The following TENM4 variants were observed in gnomAD, a reference collection of about 807,000 sequenced individuals.
TENM4 encodes teneurin-4.
A neutral mutation model predicts 243.3 loss-of-function variants in TENM4; 82 were observed. That is an observed-to-expected ratio of 0.34 (90% CI 0.28 to 0.40). TENM4 has a LOEUF of 0.40. Ranked by LOEUF, TENM4 falls within the 10% of genes least tolerant of loss-of-function variation. The probability of loss-of-function intolerance (pLI) is 1.00; values close to 1 mark genes in which losing one functional copy is unlikely to be tolerated. For synonymous variants in TENM4, 1,412 were observed against 1,456.3 expected (o/e 0.97, Z 0.69); for missense variants, 3,138 against 3,673.3 (o/e 0.85, Z 3.77).
At chr11:79,342,264 G>GTGAT (rs748552988) in intron 1 of TENM4, among the ~76,000 whole-genome samples, 7 of 152,226 alleles carry the variant, frequency 4.6e-5, no homozygotes, top group Non-Finnish European at 1.0e-4. Flanking sequence ...AAGCCAGCCT[G>GTGAT]TGATTGTCAA....
intron 3 of TENM4, among the ~76,000 whole-genome samples, chr11:79,173,236 G>A (rs923351963): frequency 6.6e-5 from 10 of 152,214 alleles, no homozygotes; most frequent in Non-Finnish European, 1.5e-4. Flanking sequence ...ACCGTTGGAA[G>A]GAAAACTTCA....
chr11:78,990,829 G>A (rs907480745), intron 6 of TENM4, among the ~76,000 whole-genome samples: 3 of 152,048 alleles, frequency 2.0e-5, no homozygotes, highest in Non-Finnish European at 4.4e-5. Flanking sequence ...TGTTCATGCC[G>A]GGGATTTTCA....
In TENM4 at chr11:78,769,140, T is replaced by C. The variant is rs564321459; in HGVS notation, c.2539+1852A>G. On this transcript the variant is annotated intron_variant, in intron 18 of 33. Coordinates refer to ENST00000278550, the MANE Select transcript of TENM4 (RefSeq NM_001098816.3). ...TGGCTCTTCTCTTCTTTTCTTCTAT[T>C]ACATGAGTGTTATTATTAGTCATTG... Among the ~76,000 whole-genome samples, 3 of 152,346 alleles carry C rather than the reference T, an allele frequency of 2.0e-5. No individual in the cohort carries two copies. The East Asian group carries it at 5.8e-4, about 29-fold the overall frequency.
chr11:79,183,162 T>C (rs1191166977), intron 3 of TENM4, among the ~76,000 whole-genome samples: 1 of 152,196 alleles, frequency 6.6e-6, no homozygotes, highest in East Asian at 1.9e-4. Context: ...AACCAAGATG[T>C]CTTTAAGTAG....
intron 2 of TENM4, among the ~76,000 whole-genome samples, chr11:79,233,877 G>C (rs1205888889): frequency 6.6e-6 from 1 of 152,216 alleles, no homozygotes; most frequent in Non-Finnish European, 1.5e-5. Flanking sequence ...CGAAAAGGAA[G>C]AGGCCCTTTC....
chr11:79,406,233 T>G (rs1358912151), intron 1 of TENM4, among the ~76,000 whole-genome samples: 7 of 152,230 alleles, frequency 4.6e-5, no homozygotes, highest in Non-Finnish European at 1.5e-5. Flanking sequence ...GCTCTATTAT[T>G]AACCTAGTGC....
At chr11:79,421,596 T>A (rs896516944) in intron 1 of TENM4, among the ~76,000 whole-genome samples, 1 of 151,794 alleles carries the variant, frequency 6.6e-6, no homozygotes, top group East Asian at 1.9e-4. Flanking sequence ...CAAGGTAGAA[T>A]GAGGAGTTTA....
intron 6 of TENM4, among the ~76,000 whole-genome samples, chr11:78,988,315 T>C (rs1052628305): frequency 3.3e-5 from 5 of 152,220 alleles, no homozygotes; most frequent in African/African-American, 1.2e-4. Context: ...CCAGCCCTGG[T>C]CAGGTCTTCA....
At chr11:78,701,281 G>T (rs1859094667) in intron 28 of TENM4, among the ~76,000 whole-genome samples, 1 of 152,260 alleles carries the variant, frequency 6.6e-6, no homozygotes, top group East Asian at 1.9e-4. Context: ...AGGCCAATAG[G>T]GATTAAGTCC....
chr11:79,162,018 C>G (rs954908484), intron 3 of TENM4, among the ~76,000 whole-genome samples: 4 of 152,184 alleles, frequency 2.6e-5, no homozygotes, highest in African/African-American at 9.6e-5. Flanking sequence ...GGAACCGGAC[C>G]TGCCTCACCC....
chr11:78,943,880 T>C (rs1378240451), intron 6 of TENM4, among the ~76,000 whole-genome samples: 10 of 152,212 alleles, frequency 6.6e-5, no homozygotes, highest in Admixed American at 6.5e-4. Flanking sequence ...AACAACAAAT[T>C]CTGTTTGGGT....
chr11:79,254,211 G>A (rs1364863325), intron 2 of TENM4, among the ~76,000 whole-genome samples: 2 of 152,104 alleles, frequency 1.3e-5, no homozygotes, highest in Admixed American at 6.6e-5. Context: ...CCCAAAACAT[G>A]CCAAGATAGG....
chr11:78,890,024 C>T lies in TENM4; in HGVS notation c.849-4G>A. 6.5e-7 allele frequency: 1 copy of T among 1,530,190 alleles called. No individual in the cohort carries two copies. Among genetic ancestry groups the T allele is most frequent in the Non-Finnish European group, 8.8e-7 (1 of 1,133,340 alleles). The allele number at this position is 1,530,190 out of a possible 1,614,324, so 94.8% of individuals were successfully genotyped here. On this transcript the variant is annotated splice_polypyrimidine_tract_variant and splice_region_variant and intron_variant, in intron 8 of 33. Coordinates refer to ENST00000278550, the MANE Select transcript of TENM4 (RefSeq NM_001098816.3). The stretch of plus-strand genomic sequence containing the variant: ...TCCAGGCTTGAAGAGGAAGTGCCTG[C>T]AGATGGAGAGCAGCAAGAGGGTGTC...
chr11:79,322,836 CT>C (rs750459584), intron 1 of TENM4, among the ~76,000 whole-genome samples: 16 of 152,174 alleles, frequency 1.1e-4, no homozygotes, highest in Non-Finnish European at 2.2e-4. Flanking sequence ...CATATTTATT[CT>C]TAAAATTGAG....
chr11:79,400,712 T>C (rs1305983046), intron 1 of TENM4, among the ~76,000 whole-genome samples: 3 of 152,190 alleles, frequency 2.0e-5, no homozygotes, highest in African/African-American at 7.2e-5. Context: ...GGACAGTGCG[T>C]GTTGATGCAT....
rs1357263378 is a variant in TENM4 at position 78,787,000 on chromosome 11, A to G, written c.2263T>C (p.Cys755Arg). ...CGCGGGTGGCAGGCCCGCTGGTCGCAGGCTGCCCCCATCCAGCCATCCTCG... is the reference window on the plus strand; with the variant it reads ...CGCGGGTGGCAGGCCCGCTGGTCGCGGGCTGCCCCCATCCAGCCATCCTCG... ...RCEDGWMGAA[C>R]DQRACHPRCA... Residue 755 changes from cysteine (C) to arginine (R), a missense_variant, in exon 16 of 34, where the codon TGC becomes CGC. Around this residue, in one of 2 missense-constraint regions of TENM4, gnomAD observed 2,467 missense variants for 3,059.1 expected, o/e 0.81. Transcript: ENST00000278550. The G allele has an allele frequency of 1.3e-6, 2 of 1,573,100 alleles. No homozygotes were observed. The highest frequency in any genetic ancestry group is 1.4e-5 in the African/African-American group (1 of 73,948).
At chr11:78,965,311 C>T (rs1052638270) in intron 6 of TENM4, among the ~76,000 whole-genome samples, 1 of 152,044 alleles carries the variant, frequency 6.6e-6, no homozygotes, top group Non-Finnish European at 1.5e-5. Context: ...AAAACCGCCC[C>T]ACCAAGAACC....
intron 4 of TENM4, among the ~76,000 whole-genome samples, chr11:79,089,301 G>A (rs115432859): frequency 6.6e-6 from 1 of 151,966 alleles, no homozygotes; most frequent in Non-Finnish European, 1.5e-5. Context: ...TTTTTGCCTC[G>A]ACCTTCCCAA....
chr11:79,043,737 A>G (rs571079806), intron 6 of TENM4, among the ~76,000 whole-genome samples: 1 of 152,336 alleles, frequency 6.6e-6, no homozygotes, highest in African/African-American at 2.4e-5. Context: ...GAATGAACAA[A>G]TAAGCCTAGA....
Sources: gnomAD v4.1 joint callset for allele counts (sites outside exome capture counted in the v4.1 genomes callset) on GRCh38, gnomAD v4.1.1 for gene constraint, gnomAD v4.1.1 regional missense constraint, MANE v1.5 for transcripts, NCBI Gene and HGNC (gene_info 2026-07-23, HGNC 2026-07-21) for gene names.